FAM149A: variants seen among roughly 807,000 people sequenced by gnomAD.
FAM149A encodes protein FAM149A.
A neutral mutation model predicts 78.2 loss-of-function variants in FAM149A; 71 were observed. The observed-to-expected ratio is 0.91, with a 90% CI of 0.75 to 1.11. The LOEUF is 1.11. Ranked by LOEUF, FAM149A falls within the 50% of genes least tolerant of loss-of-function variation. The pLI is 0.00. For missense variants in FAM149A, 1,036 were observed against 971.0 expected (o/e 1.07, Z -0.89); for synonymous variants, 446 against 410.5 (o/e 1.09, Z -1.04).
intron 6 of FAM149A, 159 bp downstream of exon 6, chr4:186,154,797 C>T (rs1378281964): frequency 4.1e-6 from 4 of 985,236 alleles, no homozygotes; most frequent in Non-Finnish European, 4.8e-6. Flanking sequence ...CTTTTGGATT[C>T]CTAGCCAGCG....
In FAM149A at chr4:186,169,779, C is replaced by T. The variant is rs1447428103; in HGVS notation, c.2219-2135C>T. 2 of 985,314 alleles carry T rather than the reference C, an allele frequency of 2.0e-6. 1 individual carries two copies. The highest frequency in any genetic ancestry group is 1.2e-4 in the Admixed American group (2 of 16,264). The allele number at this position is 985,314 out of a possible 1,614,324, so 61.0% of individuals were successfully genotyped here. A position where few individuals can be genotyped will look rare whatever the true frequency, so the allele number is the denominator to read the frequency against. ...GGAGTTACATTAACACGTGCAATCA[C>T]ATATGGCCACTTAACTCATGTAGGA... On this transcript the variant is annotated intron_variant, in intron 13 of 13. Transcript: ENST00000389354.
intron 4 of FAM149A, among the ~76,000 whole-genome samples, chr4:186,153,027 T>A (rs916099205): frequency 3.3e-5 from 5 of 152,036 alleles, no homozygotes; most frequent in African/African-American, 9.7e-5. Flanking sequence ...TAGGGTTGTT[T>A]TTTTTTTTCT....
rs1291698921 is a variant in FAM149A at position 186,121,626 on chromosome 4, G to C, written c.566+15984G>C. Among the ~76,000 whole-genome samples, 4 of 152,134 alleles carry C rather than the reference G, an allele frequency of 2.6e-5. No homozygotes were observed. In the East Asian group the frequency reaches 7.7e-4, roughly 29 times the overall value. On this transcript the variant is annotated intron_variant, in intron 1 of 13. Transcript: ENST00000389354. Reference sequence around the variant, plus strand: ...ATGGAAGATGTACGGAGACATTGATGGCAATTGATATTCTGACGCACACAA... The same window carrying C: ...ATGGAAGATGTACGGAGACATTGATCGCAATTGATATTCTGACGCACACAA...
chr4:186,158,129 T>C, intron 8 of FAM149A: 1 of 1,299,996 alleles, frequency 7.7e-7, no homozygotes, highest in Non-Finnish European at 1.0e-6. Flanking sequence ...CCTGTCTTGC[T>C]CCAGGAACAC....
intron 1 of FAM149A, among the ~76,000 whole-genome samples, chr4:186,131,585 A>C (rs760717515): frequency 2.0e-5 from 3 of 152,222 alleles, no homozygotes; most frequent in South Asian, 2.1e-4. Context: ...GCCTGAGCTG[A>C]ATGAGGCAAT....
chr4:186,163,693 T>G, intron 10 of FAM149A, 60 bp downstream of exon 10: 1 of 1,242,578 alleles, frequency 8.0e-7, no homozygotes. Context: ...TGCTTCTCAG[T>G]TAGGGTTTAT....
chr4:186,163,314 A>G (rs906275845), intron 9 of FAM149A, 110 bp from the exon 10 acceptor site: 5 of 787,178 alleles, frequency 6.4e-6, no homozygotes, highest in Non-Finnish European at 1.1e-5. Context: ...GCTTAGGAGT[A>G]TGTTCTAGGT....
At chr4:186,154,680 T>C (rs2126483010) in intron 6 of FAM149A, 42 bp downstream of exon 6, 1 of 1,561,644 alleles carries the variant, frequency 6.4e-7, no homozygotes, top group East Asian at 2.3e-5. Context: ...TAAAATAATA[T>C]TAATTTATTT....
intron 1 of FAM149A, chr4:186,116,695 TAA>T (rs2099313888): frequency 1.0e-6 from 1 of 961,930 alleles, no homozygotes; most frequent in Non-Finnish European, 1.2e-6. Flanking sequence ...CGTCCTGGGT[TAA>T]AGTGATTCTC....
At position 186,162,908 on chromosome 4, in the gene FAM149A, C is replaced by T. The variant is rs1241743204; in HGVS notation, c.1639C>T (p.Pro547Ser). The T allele has an allele frequency of 6.2e-7, 1 of 1,605,368 alleles. No homozygotes were observed. The highest frequency in any genetic ancestry group is 8.5e-7 in the Non-Finnish European group (1 of 1,176,750). ...TGGTGTCATGACAATTCAAGCAAAACCGCTTCAGCGGAGACCTGCCTATTT... is the reference window on the plus strand; with the variant it reads ...TGGTGTCATGACAATTCAAGCAAAATCGCTTCAGCGGAGACCTGCCTATTT... The change falls in exon 9 of 14, where the codon CCG becomes TCG. Residue 547 changes from proline (P) to serine (S), a missense_variant. This residue lies in a region of FAM149A where 716 missense variants were observed against 711.8 expected (regional missense o/e 1.01). Coordinates refer to ENST00000389354, the MANE Select transcript of FAM149A (RefSeq NM_001367768.3).
intron 1 of FAM149A, among the ~76,000 whole-genome samples, chr4:186,111,677 C>G (rs200174288): frequency 0.16 from 24,134 of 148,318 alleles, 1,710 homozygotes; most frequent in Non-Finnish European, 0.2. Flanking sequence ...GCTTGTTTTT[C>G]TCAGGTTTGT....
At chr4:186,135,621 C>T (rs552563075) in intron 1 of FAM149A, among the ~76,000 whole-genome samples, 3 of 152,240 alleles carry the variant, frequency 2.0e-5, no homozygotes, top group East Asian at 3.9e-4. Flanking sequence ...TTGAACTCAC[C>T]GACAGCGCTG....
At chr4:186,143,149 CTTTTTTTTTTTT>C (rs141403092) in intron 1 of FAM149A, among the ~76,000 whole-genome samples, 87 of 85,024 alleles carry the variant, frequency 1.0e-3, no homozygotes, top group African/African-American at 2.9e-3. Context: ...TCGATTTTTA[CTTTTTTTTTTTT>C]TTTTTTTTTT....
In FAM149A at chr4:186,174,460, A is replaced by G. The variant is rs1235085608; in HGVS notation, c.*2473A>G. Among the ~76,000 whole-genome samples the G allele has an allele frequency of 8.9e-6, 1 of 111,942 alleles. No individual in the cohort carries two copies. Among genetic ancestry groups the G allele is most frequent in the East Asian group, 2.2e-4 (1 of 4,514 alleles). 73.4% of individuals were successfully genotyped at this position (111,942 alleles called of 152,430 possible). A position where few individuals can be genotyped will look rare whatever the true frequency, so the allele number is the denominator to read the frequency against. ...CTTCGTAGTAGGGAAAACACCGGAT[A>G]TTCAGTCTAAACTAACATTAAGGTA... On this transcript the variant is annotated 3_prime_UTR_variant, in exon 14 of 14. Coordinates refer to ENST00000389354, the MANE Select transcript of FAM149A (RefSeq NM_001367768.3).
In FAM149A at chr4:186,172,105, C is replaced by G. The variant is rs556356980; in HGVS notation, c.*118C>G. 2.9e-6 allele frequency: 4 copies of G among 1,399,984 alleles called. No homozygotes were observed. Among genetic ancestry groups the G allele is most frequent in the Non-Finnish European group, 3.8e-6 (4 of 1,054,300 alleles). The allele number at this position is 1,399,984 out of a possible 1,614,324, so 86.7% of individuals were successfully genotyped here. A position where few individuals can be genotyped will look rare whatever the true frequency, so the allele number is the denominator to read the frequency against. On this transcript the variant is annotated 3_prime_UTR_variant, in exon 14 of 14. Coordinates refer to ENST00000389354, the MANE Select transcript of FAM149A (RefSeq NM_001367768.3). ...TGTCTGACAGTGTGAGATGTTAGAC[C>G]GAGAGAAAAGCAAACAAATAAATCA...
chr4:186,160,166 C>T (rs957477448), intron 8 of FAM149A, among the ~76,000 whole-genome samples: 2 of 144,334 alleles, frequency 1.4e-5, no homozygotes, highest in African/African-American at 2.6e-5. Context: ...CACGCACACA[C>T]ACCACACACC....
intron 1 of FAM149A, among the ~76,000 whole-genome samples, chr4:186,130,527 T>TG (rs2099320369): frequency 6.6e-6 from 1 of 150,704 alleles, no homozygotes; most frequent in Non-Finnish European, 1.5e-5. Flanking sequence ...TGGCATTTTT[T>TG]TTTTGTATTT....
chr4:186,165,270 C>G (rs1734941117), intron 10 of FAM149A, 74 bp from the exon 11 acceptor site: 3 of 1,552,192 alleles, frequency 1.9e-6, no homozygotes, highest in Non-Finnish European at 2.7e-6. Context: ...GAAATCACAG[C>G]TCTTGGCAGA....
intron 1 of FAM149A, among the ~76,000 whole-genome samples, chr4:186,129,637 T>G (rs1400795027): frequency 6.6e-6 from 1 of 152,188 alleles, no homozygotes; most frequent in East Asian, 1.9e-4. Flanking sequence ...AACCCAGTTT[T>G]AGATCTTCTC....
Sources: gnomAD v4.1 joint callset for allele counts (sites outside exome capture counted in the v4.1 genomes callset) on GRCh38, gnomAD v4.1.1 for gene constraint, gnomAD v4.1.1 regional missense constraint, MANE v1.5 for transcripts, NCBI Gene and HGNC (gene_info 2026-07-23, HGNC 2026-07-21) for gene names.